P2RX1: variants seen among roughly 807,000 people sequenced by gnomAD.
P2RX1 encodes the protein P2X purinoceptor 1.
A neutral mutation model predicts 50.3 loss-of-function variants in P2RX1; 42 were observed. The observed-to-expected ratio is 0.83, with a 90% confidence interval of 0.65 to 1.08. The LOEUF is 1.08. P2RX1 is among the 50% of genes least tolerant of loss of function. The pLI is 0.00. For synonymous variants in P2RX1, 199 were observed against 202.6 expected (o/e 0.98, Z 0.15); for missense variants, 449 against 529.0 (o/e 0.85, Z 1.48).
chr17:3,904,225 G>A, intron 4 of P2RX1, 105 bp downstream of exon 4: 1 of 1,221,912 alleles, frequency 8.2e-7, no homozygotes, highest in Non-Finnish European at 1.2e-6. Context: ...GGCCGCCTCG[G>A]CGGGAGGGGT....
At position 3,911,164 on chromosome 17, in the gene P2RX1, T is replaced by TA. The variant is rs1225159616; in HGVS notation, c.137+4924_137+4925insT. Among the ~76,000 whole-genome samples the TA allele has an allele frequency of 6.6e-5, 10 of 151,738 alleles. No individual in the cohort carries two copies. In the East Asian group the frequency reaches 1.9e-3, roughly 30 times the overall value. ...ACCACACCTGGGTAATTTTTTTTTT[T>TA]TTTTTTAGATACAGGGCCTCACTGT... is the stretch of plus-strand genomic sequence containing the variant. On this transcript the variant is annotated intron_variant, in intron 1 of 11. Transcript: ENST00000225538.
intron 1 of P2RX1, among the ~76,000 whole-genome samples, chr17:3,911,320 T>C (rs575015571): frequency 5.4e-4 from 82 of 152,266 alleles, no homozygotes; most frequent in African/African-American, 1.9e-3. Context: ...TCTTTTTTTT[T>C]GAATACGTCA....
At chr17:3,901,122 C>T (rs1169789385) in intron 7 of P2RX1, among the ~76,000 whole-genome samples, 3 of 152,052 alleles carry the variant, frequency 2.0e-5, no homozygotes, top group Non-Finnish European at 2.9e-5. Flanking sequence ...GACTGGAGTG[C>T]AGTGGCACGA....
chr17:3,910,579 G>A (rs573901571), intron 1 of P2RX1, among the ~76,000 whole-genome samples: 1 of 152,372 alleles, frequency 6.6e-6, no homozygotes, highest in African/African-American at 2.4e-5. Context: ...GACAGGTGCG[G>A]GGGCAGCTCT....
At chr17:3,912,316 CATTT>C (rs903952351) in intron 1 of P2RX1, among the ~76,000 whole-genome samples, 255 of 151,690 alleles carry the variant, frequency 1.7e-3, no homozygotes, top group Non-Finnish European at 2.7e-3. Flanking sequence ...TTTATATATT[CATTT>C]ATTTGTTTGT....
Position 3,916,329 on chromosome 17 carries a change from C to T in P2RX1, c.-104G>A, listed in dbSNP as rs2052410625. ...TCGATGGTAGAGCTTCTGGGGGCTT[C>T]CTGGCCCCTTAGGAAGAGCAGGGCG... On this transcript the variant is annotated 5_prime_UTR_variant, in exon 1 of 12. Transcript: ENST00000225538. The T allele has an allele frequency of 3.7e-6, 5 of 1,339,598 alleles. No individual in the cohort carries two copies. Among genetic ancestry groups the T allele is most frequent in the Admixed American group, 4.0e-5 (2 of 49,544 alleles). 83.0% of individuals were successfully genotyped at this position (1,339,598 alleles called of 1,614,324 possible). A position where few individuals can be genotyped will look rare whatever the true frequency, so the allele number is the denominator to read the frequency against.
At chr17:3,911,507 T>C (rs2056363437) in intron 1 of P2RX1, among the ~76,000 whole-genome samples, 1 of 152,176 alleles carries the variant, frequency 6.6e-6, no homozygotes, top group South Asian at 2.1e-4. Context: ...CTGTCACCCG[T>C]GCTCACTGCC....
rs746339006 is a variant in P2RX1, at chr17:3,897,824, C to T, written c.1190G>A (p.Arg397Lys). 2.5e-6 allele frequency: 4 copies of T among 1,613,064 alleles called. No homozygotes were observed. Among genetic ancestry groups the T allele is most frequent in the East Asian group, 4.5e-5 (2 of 44,872 alleles). ...GTTGGGGCCCGAGCATCAGGATGTCCTCATGTTCTCCTGCAGGCCCAGGGT... is the reference window on the plus strand; with the variant it reads ...GTTGGGGCCCGAGCATCAGGATGTCTTCATGTTCTCCTGCAGGCCCAGGGT... ...SSTLGLQENM[R>K]TS Residue 397 changes from arginine to lysine, a missense_variant, in exon 12 of 12, where the codon AGG becomes AAG. Physicochemically the swap from Arg to Lys is conservative, Grantham distance 26. Coordinates refer to ENST00000225538, the MANE Select transcript of P2RX1 (RefSeq NM_002558.4).
chr17:3,904,590 T>C (rs974749215), intron 3 of P2RX1, 191 bp from the exon 4 acceptor site: 6 of 642,012 alleles, frequency 9.3e-6, no homozygotes, highest in Non-Finnish European at 8.2e-6. Context: ...CCCGGGCTCA[T>C]GCCCAGCTGC....
chr17:3,913,316 G>A (rs1389605920), intron 1 of P2RX1, among the ~76,000 whole-genome samples: 2 of 151,980 alleles, frequency 1.3e-5, no homozygotes, highest in Non-Finnish European at 2.9e-5. Context: ...TAGTAGAGAC[G>A]GGGTTTCACC....
At position 3,898,511 on chromosome 17, in the gene P2RX1, G is replaced by C; in HGVS notation, c.1005C>G (p.Ile335Met). ...KFDIIPTMTTIGSGIGIFGVA... is the reference protein window; with the variant it reads ...KFDIIPTMTTMGSGIGIFGVA... ...CCCCAAAGATGCCAATTCCAGAGCC[G>C]ATGGTGGTCATTGTAGGGATGATGT... Residue 335 changes from isoleucine (I) to methionine (M), a missense_variant, in exon 10 of 12, where the codon ATC (isoleucine) becomes ATG (methionine). Coordinates refer to ENST00000225538, the MANE Select transcript of P2RX1 (RefSeq NM_002558.4). The C allele has an allele frequency of 6.2e-7, 1 of 1,613,984 alleles. No individual in the cohort carries two copies. Among genetic ancestry groups the C allele is most frequent in the Non-Finnish European group, 8.5e-7 (1 of 1,179,886 alleles).
chr17:3,901,300 C>T (rs1201094208), intron 7 of P2RX1, among the ~76,000 whole-genome samples: 6 of 152,336 alleles, frequency 3.9e-5, no homozygotes, highest in East Asian at 1.9e-4. Flanking sequence ...ATCTCCTGAC[C>T]TCGTGATCCG....
chr17:3,903,657 G>A lies in P2RX1; in HGVS notation c.525-26C>T, dbSNP rs1190496417. The A allele has an allele frequency of 5.6e-6, 9 of 1,609,744 alleles. No homozygotes were observed. In the African/African-American group the frequency reaches 6.7e-5, roughly 12 times the overall value. On this transcript the variant is annotated intron_variant, in intron 5 of 11. Coordinates refer to ENST00000225538, the MANE Select transcript of P2RX1 (RefSeq NM_002558.4). The surrounding 1 kb of genome is among the most constrained non-coding windows in gnomAD (Gnocchi z 4.6). ...CTGGAGGACACCACACGCACTCACC[G>A]CCCCTCCCCAGGAGGCCCCCTGTGT...
At chr17:3,909,760 A>G (rs183495252) in intron 1 of P2RX1, among the ~76,000 whole-genome samples, 1 of 152,268 alleles carries the variant, frequency 6.6e-6, no homozygotes, top group African/African-American at 2.4e-5. Flanking sequence ...CAAACACAAA[A>G]GTGAACAAAA....
chr17:3,907,537 C>G (rs1266721209), intron 1 of P2RX1, among the ~76,000 whole-genome samples: 1 of 152,132 alleles, frequency 6.6e-6, no homozygotes, highest in Non-Finnish European at 1.5e-5. Context: ...TCACCTCTCT[C>G]CCTGCTGCAG....
intron 1 of P2RX1, among the ~76,000 whole-genome samples, chr17:3,913,860 T>TGTG (rs2056404542): frequency 6.9e-6 from 1 of 144,136 alleles, no homozygotes; most frequent in Admixed American, 7.0e-5. Context: ...AGTGCACTCT[T>TGTG]GGGGGGGGTG....
chr17:3,904,992 C>T, intron 2 of P2RX1, 63 bp from the exon 3 acceptor site: 6 of 1,274,202 alleles, frequency 4.7e-6, no homozygotes, highest in Non-Finnish European at 6.7e-6. Flanking sequence ...GCCCCAAGGG[C>T]CCCACCGCTG....
At position 3,916,075 on chromosome 17, in the gene P2RX1, G is replaced by A. The variant is rs1023770112; in HGVS notation, c.137+14C>T. 1.9e-6 allele frequency: 3 copies of A among 1,613,090 alleles called. No individual in the cohort carries two copies. The African/African-American group carries it at 4.0e-5, about 21-fold the overall frequency. Reference sequence around the variant, plus strand: ...TAGGGGCTGGTGCAGGCAGCGGGAGGCGCCCGGACTCACCCGATGACGTAG... The same window carrying A: ...TAGGGGCTGGTGCAGGCAGCGGGAGACGCCCGGACTCACCCGATGACGTAG... On this transcript the variant is annotated intron_variant, in intron 1 of 11. Transcript: ENST00000225538.
rs963027241 is a variant in P2RX1, at chr17:3,914,962, C to T, written c.137+1127G>A. On this transcript the variant is annotated intron_variant, in intron 1 of 11. Transcript: ENST00000225538. This position sits in a 1 kb window ranked among gnomAD's most constrained non-coding sequence, Gnocchi z 4.1. ...GGGGACTGGTGGGACAGAAGGAGGG[C>T]TCTTTTGGACGCCAGAAGTTTCCGG... Among the ~76,000 whole-genome samples the T allele has an allele frequency of 6.6e-6, 1 of 152,096 alleles. No individual in the cohort carries two copies. Among genetic ancestry groups the T allele is most frequent in the African/African-American group, 2.4e-5 (1 of 41,402 alleles).
Sources: gnomAD v4.1 joint callset for allele counts (sites outside exome capture counted in the v4.1 genomes callset) on GRCh38, gnomAD v4.1.1 for gene constraint, Gnocchi (gnomAD v3.1) non-coding constraint, MANE v1.5 for transcripts, NCBI Gene and HGNC (gene_info 2026-07-23, HGNC 2026-07-21) for gene names.